The following STK31 variants were observed in gnomAD, a reference collection of about 807,000 sequenced individuals.
STK31 encodes serine/threonine kinase 31.
Under a neutral mutation model 129.7 loss-of-function variants are expected in STK31, and 89 were observed. That is an observed-to-expected ratio of 0.69 (90% CI 0.58 to 0.82). The LOEUF (loss-of-function observed/expected upper bound fraction) is 0.82, where lower values mean the gene tolerates loss of function less well. STK31 is among the 40% of genes least tolerant of loss of function. The probability of loss-of-function intolerance (pLI) is 0.00; values close to 1 mark genes in which losing one functional copy is unlikely to be tolerated. For synonymous variants in STK31, 448 were observed against 395.3 expected (o/e 1.13, Z -1.58); for missense variants, 1,187 against 1,176.4 (o/e 1.01, Z -0.13).
chr7:23,760,200 C>G (rs778381858), intron 10 of STK31, among the ~76,000 whole-genome samples: 2 of 152,196 alleles, frequency 1.3e-5, no homozygotes, highest in African/African-American at 2.4e-5. Flanking sequence ...ACCACCATAA[C>G]TTTCCCTAGC....
At chr7:23,768,849 C>A in intron 11 of STK31, 146 bp from the exon 12 acceptor site, 3 of 632,616 alleles carry the variant, frequency 4.7e-6, no homozygotes, top group Non-Finnish European at 4.8e-6. Flanking sequence ...GTTTTCATCT[C>A]TATCTGATGA....
intron 3 of STK31, among the ~76,000 whole-genome samples, chr7:23,716,196 A>G (rs1298011529): frequency 6.6e-6 from 1 of 152,134 alleles, no homozygotes; most frequent in Admixed American, 6.6e-5. Flanking sequence ...GACTTTTGAC[A>G]CTTCTGATGA....
At chr7:23,728,252 A>G (rs557980485) in intron 5 of STK31, among the ~76,000 whole-genome samples, 222 of 151,900 alleles carry the variant, frequency 1.5e-3, no homozygotes, top group African/African-American at 5.0e-3. Flanking sequence ...TCTGTACTTA[A>G]ATTATAATAT....
intron 11 of STK31, among the ~76,000 whole-genome samples, chr7:23,765,827 G>A (rs551042123): frequency 5.1e-4 from 77 of 152,238 alleles, no homozygotes; most frequent in African/African-American, 1.7e-3. Flanking sequence ...GATTACAGGC[G>A]TGAGCCACTG....
Position 23,710,393 on chromosome 7 carries a change from CGCT to C in STK31, c.50+62_50+64del, listed in dbSNP as rs1436952108. On this transcript the variant is annotated intron_variant, in intron 1 of 23. Coordinates refer to ENST00000355870, the MANE Select transcript of STK31 (RefSeq NM_031414.5). Reference sequence around the variant, plus strand: ...TGGCCGCTTCAAGGACTATTTTCGTCGCTGCTTGCGTTTTAAGTCTCCAATCCT... The same window carrying C: ...TGGCCGCTTCAAGGACTATTTTCGTCGCTTGCGTTTTAAGTCTCCAATCCT... 3.1e-6 allele frequency: 5 copies of C among 1,611,620 alleles called. No individual in the cohort carries two copies. The East Asian group carries it at 1.1e-4, about 36-fold the overall frequency.
intron 22 of STK31, chr7:23,811,547 TTAC>T (rs1793131626): frequency 4.4e-6 from 1 of 228,838 alleles, no homozygotes; most frequent in African/African-American, 2.3e-5. Flanking sequence ...ACCCTATGTC[TTAC>T]TGACCATCTT....
intron 8 of STK31, among the ~76,000 whole-genome samples, chr7:23,739,322 T>A (rs1787916093): frequency 1.3e-5 from 2 of 152,194 alleles, no homozygotes; most frequent in Admixed American, 1.3e-4. Flanking sequence ...TTGATGGTGT[T>A]GTTTTTTTCT....
chr7:23,830,249 T>C (rs1794460887), intron 23 of STK31, among the ~76,000 whole-genome samples: 3 of 152,188 alleles, frequency 2.0e-5, no homozygotes, highest in African/African-American at 7.2e-5. Flanking sequence ...TAAAAAAATT[T>C]TTTTTGTGGA....
At chr7:23,804,520 C>T (rs778068285) in intron 22 of STK31, among the ~76,000 whole-genome samples, 4 of 152,036 alleles carry the variant, frequency 2.6e-5, no homozygotes, top group Non-Finnish European at 5.9e-5. Context: ...ATGTTTTTTT[C>T]CTGAGTTCAT....
Position 23,748,131 on chromosome 7 carries a change from A to G in STK31, c.1018-4586A>G, listed in dbSNP as rs138767526. Among the ~76,000 whole-genome samples the G allele has an allele frequency of 3.1e-4, 47 of 152,352 alleles. 1 individual carries two copies. In the East Asian group the frequency reaches 8.1e-3, roughly 26 times the overall value. ...CAATGCACTGCCTGTGCTGCGTTCT[A>G]CAAATTTTGGTAAGTTGTATTTTTA... On this transcript the variant is annotated intron_variant, in intron 8 of 23. Coordinates refer to ENST00000355870, the MANE Select transcript of STK31 (RefSeq NM_031414.5).
Position 23,751,212 on chromosome 7 carries a change from T to G in STK31, c.1018-1505T>G, listed in dbSNP as rs574519091. ...GCTGCAAATGACAGGATTTCATTCT[T>G]TTTTTATGGCTGAATAGTATCCCAT... On this transcript the variant is annotated intron_variant, in intron 8 of 23. Transcript: ENST00000355870. Among the ~76,000 whole-genome samples the G allele has an allele frequency of 2.0e-5, 3 of 152,322 alleles. No homozygotes were observed. The East Asian group carries it at 5.8e-4, about 29-fold the overall frequency.
At chr7:23,727,086 A>T (rs1450351386) in intron 4 of STK31, among the ~76,000 whole-genome samples, 155 bp from the exon 5 acceptor site, 1 of 152,222 alleles carries the variant, frequency 6.6e-6, no homozygotes, top group Non-Finnish European at 1.5e-5. Context: ...ATAGTGGCAT[A>T]AACAAAGTAC....
intron 5 of STK31, 132 bp downstream of exon 5, chr7:23,727,447 G>A: frequency 3.1e-6 from 2 of 636,054 alleles, no homozygotes; most frequent in Non-Finnish European, 2.7e-6. Flanking sequence ...AAACACAGAA[G>A]AAATTAATTG....
chr7:23,728,911 C>T (rs1228918287), intron 5 of STK31, among the ~76,000 whole-genome samples, 180 bp from the exon 6 acceptor site: 1 of 151,920 alleles, frequency 6.6e-6, no homozygotes, highest in Non-Finnish European at 1.5e-5. Context: ...ATTTCATGGA[C>T]TGTGGATTTT....
chr7:23,816,654 C>T (rs1400714919), intron 23 of STK31, among the ~76,000 whole-genome samples: 2 of 152,200 alleles, frequency 1.3e-5, no homozygotes, highest in Non-Finnish European at 2.9e-5. Context: ...AATCCTTTGC[C>T]CTGTTTCCAT....
chr7:23,721,776 C>T (rs542433343), intron 4 of STK31: 18 of 666,444 alleles, frequency 2.7e-5, no homozygotes, highest in South Asian at 2.6e-4. Context: ...GTGTTTTGTC[C>T]AGTTCTGCGT....
intron 4 of STK31, chr7:23,721,750 AT>A: frequency 2.8e-6 from 2 of 725,688 alleles, no homozygotes; most frequent in Middle Eastern, 3.5e-4. Context: ...CAATAAGGAT[AT>A]TTTTCCTTTC....
chr7:23,791,026 T>C (rs1192420672), intron 22 of STK31, 80 bp downstream of exon 22: 19 of 1,194,950 alleles, frequency 1.6e-5, no homozygotes, highest in Non-Finnish European at 2.0e-5. Flanking sequence ...GTGATTCTCC[T>C]TAAAAATAAA....
chr7:23,727,348 T>A, intron 5 of STK31, 33 bp downstream of exon 5: 1 of 1,595,840 alleles, frequency 6.3e-7, no homozygotes, highest in Non-Finnish European at 8.6e-7. Flanking sequence ...TTTTTTTGCT[T>A]TAAGAAATAT....
Sources: gnomAD v4.1 joint callset for allele counts (sites outside exome capture counted in the v4.1 genomes callset) on GRCh38, gnomAD v4.1.1 for gene constraint, MANE v1.5 for transcripts, NCBI Gene and HGNC (gene_info 2026-07-23, HGNC 2026-07-21) for gene names.